Variants in TRAK1 observed in about 807,000 individuals in gnomAD.
The protein encoded by TRAK1 is trafficking kinesin protein 1, also known as trafficking kinesin-binding protein 1.
Under a neutral mutation model 92.1 loss-of-function variants are expected in TRAK1, and 33 were observed. The observed-to-expected ratio is 0.36, with a 90% confidence interval of 0.27 to 0.48. The LOEUF is 0.48. TRAK1 is among the 20% of genes least tolerant of loss of function. TRAK1 has a pLI of 0.99. For synonymous variants in TRAK1, 521 were observed against 517.3 expected, an observed-to-expected ratio of 1.01 and a Z score of -0.10; for missense variants, 1,123 against 1,257.9, an observed-to-expected ratio of 0.89 and a Z score of 1.62.
intron 1 of TRAK1, among the ~76,000 whole-genome samples, chr3:42,116,458 C>T (rs1280658383): frequency 6.6e-6 from 1 of 152,216 alleles, no homozygotes; most frequent in Admixed American, 6.5e-5. Flanking sequence ...GGTTGTCTGT[C>T]AGATACCACT....
At chr3:42,135,207 T>G (rs1047328941) in intron 2 of TRAK1, among the ~76,000 whole-genome samples, 1 of 152,194 alleles carries the variant, frequency 6.6e-6, no homozygotes, top group Non-Finnish European at 1.5e-5. Flanking sequence ...TCACCTACTG[T>G]CCCCTGCTGT....
At chr3:42,067,422 T>C (rs759906614) in intron 1 of TRAK1, among the ~76,000 whole-genome samples, 1 of 152,224 alleles carries the variant, frequency 6.6e-6, no homozygotes, top group African/African-American at 2.4e-5. Context: ...AGTCAAAATA[T>C]AGTGACAGAT....
intron 2 of TRAK1, among the ~76,000 whole-genome samples, chr3:42,156,471 C>G (rs1427011633): frequency 6.6e-6 from 1 of 152,046 alleles, no homozygotes; most frequent in African/African-American, 2.4e-5. Flanking sequence ...TCCCACTGGC[C>G]TAATATGGGG....
intron 14 of TRAK1, chr3:42,211,008 C>G (rs1168464312): frequency 2.0e-6 from 2 of 985,344 alleles, no homozygotes; most frequent in African/African-American, 3.5e-5. Flanking sequence ...CTGGACCTCC[C>G]AGCCCCTTGT....
intron 1 of TRAK1, among the ~76,000 whole-genome samples, chr3:42,115,392 TCAGTTGCCCTTTAG>T (rs1171644115): frequency 6.6e-6 from 1 of 152,150 alleles, no homozygotes; most frequent in African/African-American, 2.4e-5. Flanking sequence ...TGCGCCACAT[TCAGTTGCCCTTTAG>T]CCTCACGTCG....
chr3:42,070,178 G>A (rs910221011), intron 1 of TRAK1, among the ~76,000 whole-genome samples: 1 of 150,678 alleles, frequency 6.6e-6, no homozygotes, highest in Non-Finnish European at 1.5e-5. Flanking sequence ...CATGTTCCTG[G>A]GTGTGAGTGA....
chr3:42,074,875 C>T (rs192444524), intron 1 of TRAK1, among the ~76,000 whole-genome samples: 7 of 152,240 alleles, frequency 4.6e-5, no homozygotes, highest in Non-Finnish European at 7.4e-5. Context: ...TAGGCCCCAT[C>T]GTCTGGTGTC....
chr3:42,040,047 T>A (rs1195674061), intron 1 of TRAK1, among the ~76,000 whole-genome samples: 1 of 121,468 alleles, frequency 8.2e-6, no homozygotes, highest in Non-Finnish European at 1.5e-5. Flanking sequence ...CCTTTGCCTA[T>A]TTTTTTTTTA....
At chr3:42,112,595 C>T (rs114326836) in intron 1 of TRAK1, among the ~76,000 whole-genome samples, 2,502 of 150,704 alleles carry the variant, frequency 0.017, 64 homozygotes, top group African/African-American at 0.052. Flanking sequence ...GTTAGCCGGG[C>T]TTGTTCACAC....
intron 14 of TRAK1, among the ~76,000 whole-genome samples, chr3:42,214,416 G>C (rs765593717): frequency 6.6e-6 from 1 of 152,232 alleles, no homozygotes; most frequent in East Asian, 1.9e-4. Context: ...CAAGAGGACA[G>C]AGGGTATAGG....
intron 2 of TRAK1, chr3:42,146,284 T>G (rs1295813922): frequency 9.8e-6 from 3 of 304,910 alleles, no homozygotes; most frequent in Non-Finnish European, 2.0e-5. Context: ...CCACTTGTCT[T>G]GCCATTCTTC....
At chr3:42,154,053 C>G (rs1304636159) in intron 2 of TRAK1, among the ~76,000 whole-genome samples, 1 of 152,186 alleles carries the variant, frequency 6.6e-6, no homozygotes, top group African/African-American at 2.4e-5. Flanking sequence ...GAGATAATGT[C>G]CTCTCTGACA....
chr3:42,181,154 C>G (rs752362149), intron 3 of TRAK1, among the ~76,000 whole-genome samples: 2 of 152,234 alleles, frequency 1.3e-5, no homozygotes, highest in Non-Finnish European at 2.9e-5. Flanking sequence ...AAGCCTTCCG[C>G]ATCCTTCAGG....
At chr3:42,134,178 T>TCTTCCCCTTCCCCCTCCC (rs1697592866) in intron 2 of TRAK1, among the ~76,000 whole-genome samples, 1 of 105,366 alleles carries the variant, frequency 9.5e-6, no homozygotes. Flanking sequence ...TTCCCCTTCC[T>TCTTCCCCTTCCCCCTCCC]CTTCCCCTTC....
chr3:42,074,118 C>G (rs1704049579), intron 1 of TRAK1, among the ~76,000 whole-genome samples: 1 of 152,184 alleles, frequency 6.6e-6, no homozygotes, highest in Admixed American at 6.5e-5. Context: ...AGCAGTGTTA[C>G]TTAGAGCCAT....
In TRAK1 at chr3:42,128,927, G is replaced by A. The variant is rs142202577; in HGVS notation, c.286+3313G>A. Among the ~76,000 whole-genome samples, 215 of 152,310 alleles carry A rather than the reference G, an allele frequency of 1.4e-3. 2 individuals are homozygous for A. Among genetic ancestry groups the A allele is most frequent in the Middle Eastern group, 6.8e-3 (2 of 294 alleles). On this transcript the variant is annotated intron_variant, in intron 2 of 15. Coordinates refer to ENST00000327628, the MANE Select transcript of TRAK1 (RefSeq NM_001042646.3). ...ACTGGAATTCTGTCTTATTTATTTA[G>A]ATCTTTTATTTCTTTTATTCTTTAA...
chr3:42,050,101 T>G (rs1422140581), intron 1 of TRAK1, among the ~76,000 whole-genome samples: 1 of 151,258 alleles, frequency 6.6e-6, no homozygotes, highest in Non-Finnish European at 1.5e-5. Flanking sequence ...CTTGGACTGG[T>G]TGGTTTGCCC....
intron 1 of TRAK1, among the ~76,000 whole-genome samples, chr3:42,053,887 G>C (rs1361754839): frequency 6.6e-6 from 1 of 152,146 alleles, no homozygotes; most frequent in African/African-American, 2.4e-5. Flanking sequence ...CAATCAGTCT[G>C]CCCTACTCTG....
Position 42,176,807 on chromosome 3 carries a change from C to G in TRAK1, c.287-7C>G, listed in dbSNP as rs56657651. The G allele has an allele frequency of 7.0e-3, 11,356 of 1,612,622 alleles. 119 individuals are homozygous for G. The highest frequency in any genetic ancestry group is 0.068 in the Middle Eastern group (410 of 6,056). On this transcript the variant is annotated splice_region_variant and splice_polypyrimidine_tract_variant and intron_variant, in intron 2 of 15. Transcript: ENST00000327628. ...GGGAGTCTCATTGTCATTTTTATTTCTTACAGTTTTATGTGCTGAAAGAGT... is the reference window on the plus strand; with the variant it reads ...GGGAGTCTCATTGTCATTTTTATTTGTTACAGTTTTATGTGCTGAAAGAGT...
Sources: allele counts gnomAD v4.1 joint callset (sites outside exome capture counted in the v4.1 genomes callset), GRCh38; gene constraint gnomAD v4.1.1; transcripts MANE v1.5; gene names NCBI Gene and HGNC (gene_info 2026-07-23, HGNC 2026-07-21).